The following KDM4C variants were observed in gnomAD, a reference collection of about 807,000 sequenced individuals.
The protein encoded by KDM4C is lysine-specific demethylase 4C.
KDM4C carries 81 observed loss-of-function variants against 129.3 expected under a neutral mutation model. That is an observed-to-expected ratio of 0.63 (90% CI 0.52 to 0.75). KDM4C has a LOEUF of 0.75. Among genes scored for constraint, KDM4C ranks in the 30% least tolerant of loss-of-function variants. The pLI is 0.00. For synonymous variants in KDM4C, 573 were observed against 456.1 expected (o/e 1.26, Z -3.26); for missense variants, 1,457 against 1,304.0 (o/e 1.12, Z -1.81).
At chr9:6,940,646 A>G (rs1825778860) in intron 8 of KDM4C, among the ~76,000 whole-genome samples, 1 of 152,212 alleles carries the variant, frequency 6.6e-6, no homozygotes. Flanking sequence ...AAACGTAGCC[A>G]CCATTTAAAT....
intron 15 of KDM4C, among the ~76,000 whole-genome samples, chr9:7,040,319 C>G (rs1828342681): frequency 6.6e-6 from 1 of 150,796 alleles, no homozygotes; most frequent in South Asian, 2.1e-4. Flanking sequence ...CCCTCTGTCT[C>G]TCTTTCCCTC....
chr9:7,026,280 C>T lies in KDM4C; in HGVS notation c.2259+10351C>T, dbSNP rs1455450994. 2.6e-5 allele frequency among the ~76,000 whole-genome samples: 4 copies of T among 151,482 alleles called. No homozygotes were observed. In the East Asian group the frequency reaches 7.7e-4, roughly 29 times the overall value. On this transcript the variant is annotated intron_variant, in intron 15 of 21. Transcript: ENST00000381309. Reference sequence around the variant, plus strand: ...GGATAGGTATGATGTTTATGAAATCCCTCAGGTTTTGTTTGTCTGGGAAAG... The same window carrying T: ...GGATAGGTATGATGTTTATGAAATCTCTCAGGTTTTGTTTGTCTGGGAAAG...
intron 1 of KDM4C, among the ~76,000 whole-genome samples, chr9:6,729,189 G>GACC: frequency 1.6e-5 from 1 of 61,378 alleles, no homozygotes; most frequent in South Asian, 7.6e-4. Flanking sequence ...GGGCGACAGA[G>GACC]CAAAGCTCCG....
At chr9:7,059,861 A>G (rs1831370637) in intron 17 of KDM4C, among the ~76,000 whole-genome samples, 1 of 152,126 alleles carries the variant, frequency 6.6e-6, no homozygotes, top group Admixed American at 6.5e-5. Context: ...TTTTAAATGA[A>G]TTCATAAATA....
chr9:7,071,421 A>C (rs1217609084), intron 17 of KDM4C, among the ~76,000 whole-genome samples: 3 of 152,206 alleles, frequency 2.0e-5, no homozygotes, highest in Admixed American at 6.5e-5. Context: ...TAGCAAGTTA[A>C]TGTGGTGAAG....
chr9:6,950,814 C>T (rs913345048), intron 8 of KDM4C, among the ~76,000 whole-genome samples: 32 of 152,178 alleles, frequency 2.1e-4, no homozygotes, highest in South Asian at 6.2e-4. Flanking sequence ...ATGGTTCATC[C>T]GGTTCAGTAT....
chr9:6,997,875 T>G (rs779203916), intron 12 of KDM4C, among the ~76,000 whole-genome samples: 1 of 152,256 alleles, frequency 6.6e-6, no homozygotes, highest in Non-Finnish European at 1.5e-5. Context: ...AACTTTTACT[T>G]ATAACTCTTC....
intron 12 of KDM4C, among the ~76,000 whole-genome samples, chr9:7,009,981 C>T (rs1417390156): frequency 3.3e-5 from 5 of 152,014 alleles, no homozygotes; most frequent in African/African-American, 4.8e-5. Context: ...TATGCAGATA[C>T]AAGACTTTTA....
chr9:6,905,294 A>C (rs1171826311), intron 8 of KDM4C, among the ~76,000 whole-genome samples: 4 of 152,146 alleles, frequency 2.6e-5, no homozygotes, highest in Non-Finnish European at 4.4e-5. Context: ...ACTATGAAGA[A>C]ACACTTCTAA....
chr9:7,135,869 C>G (rs377701078), intron 19 of KDM4C, among the ~76,000 whole-genome samples: 1 of 152,160 alleles, frequency 6.6e-6, no homozygotes, highest in Non-Finnish European at 1.5e-5. Flanking sequence ...CATCAGTGAG[C>G]CCATCTCAGC....
chr9:7,003,375 A>G (rs1586839354), intron 12 of KDM4C, among the ~76,000 whole-genome samples: 2 of 151,876 alleles, frequency 1.3e-5, no homozygotes, highest in African/African-American at 2.4e-5. Context: ...CCACGCTGGT[A>G]ATGCCATAGT....
chr9:6,911,238 C>G (rs1264849860), intron 8 of KDM4C, among the ~76,000 whole-genome samples: 1 of 152,042 alleles, frequency 6.6e-6, no homozygotes, highest in Non-Finnish European at 1.5e-5. Flanking sequence ...AAAAAAACCT[C>G]CAACTTTTAA....
At chr9:7,094,376 T>G (rs1332697161) in intron 17 of KDM4C, among the ~76,000 whole-genome samples, 1 of 152,160 alleles carries the variant, frequency 6.6e-6, no homozygotes, top group Admixed American at 6.5e-5. Flanking sequence ...CTTTAAGTTT[T>G]AGGGTACATG....
chr9:7,096,767 T>G lies in KDM4C; in HGVS notation c.2425-6918T>G, dbSNP rs568948103. On this transcript the variant is annotated intron_variant, in intron 17 of 21. Transcript: ENST00000381309. The stretch of plus-strand genomic sequence containing the variant: ...CAGGCATTTCCACTAAAGATCATGC[T>G]GATTTTCTGGGTGGTCTGGTCTGTA... Among the ~76,000 whole-genome samples, 13 of 152,308 alleles carry G rather than the reference T, an allele frequency of 8.5e-5. No individual in the cohort carries two copies. In the East Asian group the frequency reaches 2.5e-3, roughly 29 times the overall value.
chr9:6,820,452 G>T (rs1420687436), intron 4 of KDM4C, among the ~76,000 whole-genome samples: 1 of 152,162 alleles, frequency 6.6e-6, no homozygotes, highest in Non-Finnish European at 1.5e-5. Context: ...ACAGGGCTGT[G>T]GTCCTGGGTC....
chr9:7,149,471 G>A (rs1055536250), intron 19 of KDM4C, among the ~76,000 whole-genome samples: 4 of 152,210 alleles, frequency 2.6e-5, no homozygotes, highest in Non-Finnish European at 5.9e-5. Flanking sequence ...ATGGGCTCCC[G>A]CCCTGCCAGC....
intron 15 of KDM4C, among the ~76,000 whole-genome samples, chr9:7,035,713 A>G (rs1827525680): frequency 6.6e-6 from 1 of 151,890 alleles, no homozygotes; most frequent in Non-Finnish European, 1.5e-5. Flanking sequence ...TGGATATCCA[A>G]TTTTTCCGGC....
chr9:6,781,013 G>A (rs917153344), intron 1 of KDM4C, among the ~76,000 whole-genome samples: 2 of 151,852 alleles, frequency 1.3e-5, no homozygotes, highest in African/African-American at 4.8e-5. Flanking sequence ...CTCATTTTCT[G>A]TTTATGCATA....
rs1033670456 is a variant in KDM4C, at chr9:6,840,163, C to T, written c.436-9344C>T. 1.2e-4 allele frequency among the ~76,000 whole-genome samples: 18 copies of T among 151,782 alleles called. No individual in the cohort carries two copies. In the East Asian group the frequency reaches 2.9e-3, roughly 25 times the overall value. ...TCATGGCTCACTGCAGCCTTGACCT[C>T]CCAGGCTAAGGTGCTCTTTCTACCT... On this transcript the variant is annotated intron_variant, in intron 4 of 21. Coordinates refer to ENST00000381309, the MANE Select transcript of KDM4C (RefSeq NM_015061.6).
Sources: gnomAD v4.1 joint callset for allele counts (sites outside exome capture counted in the v4.1 genomes callset) on GRCh38, gnomAD v4.1.1 for gene constraint, MANE v1.5 for transcripts, NCBI Gene and HGNC (gene_info 2026-07-23, HGNC 2026-07-21) for gene names.